Variants in POLR1B observed in about 807,000 individuals in gnomAD.
The protein encoded by POLR1B is RNA polymerase I subunit B, also known as DNA-directed RNA polymerase I subunit RPA2.
Under a neutral mutation model 105.8 loss-of-function variants are expected in POLR1B, and 30 were observed. The observed-to-expected ratio is 0.28, with a 90% CI of 0.21 to 0.38. The LOEUF is 0.38. POLR1B is among the 10% of genes least tolerant of loss of function. The pLI is 1.00. For synonymous variants in POLR1B, 485 were observed against 505.1 expected (o/e 0.96, Z 0.53); for missense variants, 976 against 1,435.8 (o/e 0.68, Z 5.17).
In POLR1B at chr2:112,578,080, A is replaced by C. The variant is rs1684946229; in HGVS notation, c.*2351A>C. Among the ~76,000 whole-genome samples the C allele has an allele frequency of 1.3e-5, 2 of 152,182 alleles. No homozygotes were observed. The highest frequency in any genetic ancestry group is 4.1e-4 in the South Asian group (2 of 4,838). On this transcript the variant is annotated 3_prime_UTR_variant, in exon 15 of 15. Coordinates refer to ENST00000263331, the MANE Select transcript of POLR1B (RefSeq NM_019014.6). ...CACTTCTATTTTTAGCAGCACTAAA[A>C]ACATTCCCAAAAAAAATGTTTTTTA...
At chr2:112,573,875 C>A in intron 14 of POLR1B, 60 bp downstream of exon 14, 1 of 1,568,502 alleles carries the variant, frequency 6.4e-7, no homozygotes, top group South Asian at 1.2e-5. Context: ...GAGACAGGGT[C>A]TCAGTGTGTC....
rs372993425 is a variant in POLR1B at position 112,573,753 on chromosome 2, C to T, written c.2463C>T (p.Tyr821=). 2.3e-5 allele frequency: 37 copies of T among 1,614,084 alleles called. No individual in the cohort carries two copies. The highest frequency in any genetic ancestry group is 3.3e-4 in the Middle Eastern group (2 of 6,084). Reference sequence around the variant, plus strand: ...CGTTTATAGGAGCAAAACTGCAGTACGGAGATCCGTATTACAGCTACCTCA... The same window carrying T: ...CGTTTATAGGAGCAAAACTGCAGTATGGAGATCCGTATTACAGCTACCTCA... ...GLPFIGAKLQ[Y]GDPYYSYLNL... The change falls in exon 14 of 15, where the codon TAC becomes TAT. Residue 821 remains tyrosine, a synonymous_variant. Transcript: ENST00000263331.
intron 7 of POLR1B, among the ~76,000 whole-genome samples, chr2:112,557,661 T>G (rs970159030): frequency 6.6e-6 from 1 of 152,158 alleles, no homozygotes; most frequent in African/African-American, 2.4e-5. Flanking sequence ...ACTGAAGCCT[T>G]AGGCTCCTGG....
intron 12 of POLR1B, among the ~76,000 whole-genome samples, chr2:112,570,413 T>C (rs1452090399): frequency 6.6e-6 from 1 of 152,234 alleles, no homozygotes; most frequent in Non-Finnish European, 1.5e-5. Flanking sequence ...TACTGAATTT[T>C]TGCTTACAGT....
Position 112,567,862 on chromosome 2 carries a change from A to G in POLR1B, c.1747-105A>G, listed in dbSNP as rs1684377951. On this transcript the variant is annotated intron_variant, in intron 10 of 14. Coordinates refer to ENST00000263331, the MANE Select transcript of POLR1B (RefSeq NM_019014.6). ...GAGCACCCAAGGAAGTAGGGCTTTT[A>G]CCATGGCTGAGTGTGGATGAGTGGT... is the stretch of plus-strand genomic sequence containing the variant. The G allele has an allele frequency of 1.0e-5, 10 of 958,006 alleles. 1 individual carries two copies. In the South Asian group the frequency reaches 1.6e-4, roughly 15 times the overall value. 59.3% of individuals were successfully genotyped at this position (958,006 alleles called of 1,614,324 possible).
In POLR1B at chr2:112,575,982, A is replaced by C; in HGVS notation, c.*253A>C. On this transcript the variant is annotated 3_prime_UTR_variant, in exon 15 of 15. Transcript: ENST00000263331. The surrounding 1 kb of genome is among the most constrained non-coding windows in gnomAD (Gnocchi z 5.3). ...AATATGAAATATTGATAAATGGAAGAGCATACGGTGACAAGTCTCCTTTCC... is the reference window on the plus strand; with the variant it reads ...AATATGAAATATTGATAAATGGAAGCGCATACGGTGACAAGTCTCCTTTCC... 1 of 463,366 alleles carries C rather than the reference A, an allele frequency of 2.2e-6. No homozygotes were observed. Among genetic ancestry groups the C allele is most frequent in the South Asian group, 2.3e-5 (1 of 42,806 alleles). 28.7% of individuals were successfully genotyped at this position (463,366 alleles called of 1,614,324 possible).
At chr2:112,567,901 TA>T in intron 10 of POLR1B, 65 bp from the exon 11 acceptor site, 1 of 1,392,348 alleles carries the variant, frequency 7.2e-7, no homozygotes. Context: ...CCATGGGGCA[TA>T]AGACTGGCAG....
chr2:112,564,457 G>A lies in POLR1B; in HGVS notation c.1704G>A (p.Lys568=). The A allele has an allele frequency of 6.2e-7, 1 of 1,614,260 alleles. No homozygotes were observed. ...GTGTCATGGTTGGCTGGGTGGATAAGGATCTTGCTCCAGGCATCGCAGATT... is the reference window on the plus strand; with the variant it reads ...GTGTCATGGTTGGCTGGGTGGATAAAGATCTTGCTCCAGGCATCGCAGATT... ...LDGVMVGWVD[K]DLAPGIADSL... Residue 568 remains lysine, a synonymous_variant, in exon 10 of 15, where the codon AAG becomes AAA. Coordinates refer to ENST00000263331, the MANE Select transcript of POLR1B (RefSeq NM_019014.6).
At chr2:112,569,851 G>A (rs193005715) in intron 12 of POLR1B, among the ~76,000 whole-genome samples, 285 of 151,706 alleles carry the variant, frequency 1.9e-3, no homozygotes, top group African/African-American at 6.4e-3. Flanking sequence ...GAGCCACTGC[G>A]CCCGGCCTCA....
chr2:112,559,520 G>T lies in POLR1B; in HGVS notation c.1558G>T (p.Val520Phe). Reference sequence around the variant, plus strand: ...GAACCACCTAACTGCCGTATGTGAGGTTGTCACACAGTTTGTGTATACGGC... The same window carrying T: ...GAACCACCTAACTGCCGTATGTGAGTTTGTCACACAGTTTGTGTATACGGC... ...LMNHLTAVCEVVTQFVYTASI... is the reference protein window; with the variant it reads ...LMNHLTAVCEFVTQFVYTASI... Residue 520 changes from valine (V) to phenylalanine (F), a missense_variant, in exon 9 of 15, where the codon GTT (valine) becomes TTT (phenylalanine). Physicochemically the swap from Val to Phe is conservative, Grantham distance 50. Around this residue, in one of 12 missense-constraint regions of POLR1B, gnomAD observed 184 missense variants for 197.4 expected, o/e 0.93. Coordinates refer to ENST00000263331, the MANE Select transcript of POLR1B (RefSeq NM_019014.6). 6.2e-7 allele frequency: 1 copy of T among 1,614,240 alleles called. No homozygotes were observed. The highest frequency in any genetic ancestry group is 8.5e-7 in the Non-Finnish European group (1 of 1,180,040).
At chr2:112,544,427 C>T (rs962982922) in intron 1 of POLR1B, among the ~76,000 whole-genome samples, 1 of 151,524 alleles carries the variant, frequency 6.6e-6, no homozygotes, top group Non-Finnish European at 1.5e-5. Context: ...GTGAGACTCT[C>T]CCAAAAAAAT....
At chr2:112,558,933 T>TA (rs540834297) in intron 8 of POLR1B, among the ~76,000 whole-genome samples, 4 of 150,860 alleles carry the variant, frequency 2.7e-5, no homozygotes, top group Non-Finnish European at 5.9e-5. Flanking sequence ...TTTTTTTTTT[T>TA]AAACCCATGT....
chr2:112,560,214 G>A (rs1024737590), intron 9 of POLR1B, among the ~76,000 whole-genome samples: 7 of 152,004 alleles, frequency 4.6e-5, no homozygotes, highest in African/African-American at 1.7e-4. Flanking sequence ...CTGCACTTTA[G>A]ACTGGGTGAG....
In POLR1B at chr2:112,559,221, C is replaced by T. The variant is rs927181256; in HGVS notation, c.1331-72C>T. The stretch of plus-strand genomic sequence containing the variant: ...TCTGTAGAGTGCTCTGAGGTTTTGT[C>T]GTCATAAAGCCTCAACAATTTCCAT... On this transcript the variant is annotated intron_variant, in intron 8 of 14. Transcript: ENST00000263331. 8.5e-6 allele frequency: 13 copies of T among 1,531,078 alleles called. No homozygotes were observed. In the East Asian group the frequency reaches 1.4e-4, roughly 16 times the overall value. 94.8% of individuals were successfully genotyped at this position (1,531,078 alleles called of 1,614,324 possible).
chr2:112,567,254 A>G (rs1020597769), intron 10 of POLR1B, among the ~76,000 whole-genome samples: 2 of 152,084 alleles, frequency 1.3e-5, no homozygotes, highest in Non-Finnish European at 2.9e-5. Context: ...TTTAATGATA[A>G]TGCATCTAGC....
chr2:112,568,664 G>GTA, intron 11 of POLR1B, 82 bp from the exon 12 acceptor site: 1 of 1,475,934 alleles, frequency 6.8e-7, no homozygotes, highest in Non-Finnish European at 9.3e-7. Flanking sequence ...TTGAGTCTTT[G>GTA]AGTACTGAAC....
chr2:112,542,851 C>T, intron 1 of POLR1B, 180 bp downstream of exon 1: 1 of 712,286 alleles, frequency 1.4e-6, no homozygotes, highest in Non-Finnish European at 2.3e-6. Context: ...GACTTGGAGT[C>T]GAGGCGTCTT....
chr2:112,563,201 C>A (rs1684098172), intron 9 of POLR1B, among the ~76,000 whole-genome samples: 1 of 151,710 alleles, frequency 6.6e-6, no homozygotes, highest in Non-Finnish European at 1.5e-5. Context: ...ACTACAGGCG[C>A]CCGCCACCAC....
At chr2:112,564,004 CTTCTAA>C (rs1684148559) in intron 9 of POLR1B, among the ~76,000 whole-genome samples, 1 of 152,194 alleles carries the variant, frequency 6.6e-6, no homozygotes, top group African/African-American at 2.4e-5. Context: ...TCAGGCTCTA[CTTCTAA>C]TTCTAGTGGT....
Sources: allele counts gnomAD v4.1 joint callset (sites outside exome capture counted in the v4.1 genomes callset), GRCh38; gene constraint gnomAD v4.1.1; regional missense constraint gnomAD v4.1.1; non-coding constraint Gnocchi (gnomAD v3.1); transcripts MANE v1.5; gene names NCBI Gene and HGNC (gene_info 2026-07-23, HGNC 2026-07-21).